The following DOCK1 variants were observed in gnomAD, a reference collection of about 807,000 sequenced individuals.
DOCK1 encodes the protein dedicator of cytokinesis protein 1.
Under a neutral mutation model 262.7 loss-of-function variants are expected in DOCK1, and 138 were observed. The ratio of observed to expected loss-of-function variants is 0.53; its 90% CI spans 0.46 to 0.61. DOCK1 has a LOEUF of 0.61. Among genes scored for constraint, DOCK1 ranks in the 20% least tolerant of loss-of-function variants. The pLI is 0.00. For missense variants in DOCK1, 1,908 were observed against 2,370.7 expected, an observed-to-expected ratio of 0.80 and a Z score of 4.05; for synonymous variants, 866 against 867.4, an observed-to-expected ratio of 1.00 and a Z score of 0.03.
chr10:127,445,465 C>G (rs554769937), intron 50 of DOCK1, among the ~76,000 whole-genome samples: 10 of 152,314 alleles, frequency 6.6e-5, no homozygotes, highest in Non-Finnish European at 1.0e-4. Flanking sequence ...TTTCTGGGCA[C>G]TGGATATGTC....
intron 1 of DOCK1, among the ~76,000 whole-genome samples, chr10:126,913,182 GATC>G (rs2032063380): frequency 6.6e-6 from 1 of 152,190 alleles, no homozygotes; most frequent in South Asian, 2.1e-4. Flanking sequence ...CTTTAAGTGT[GATC>G]ATTCTCCTGT....
intron 1 of DOCK1, among the ~76,000 whole-genome samples, chr10:126,953,006 G>A (rs931458193): frequency 6.6e-6 from 1 of 151,444 alleles, no homozygotes; most frequent in African/African-American, 2.4e-5. Flanking sequence ...TGTAGTGTTG[G>A]TGGTGGTAGT....
chr10:127,360,886 C>G (rs915602383), intron 32 of DOCK1, among the ~76,000 whole-genome samples: 6 of 152,150 alleles, frequency 3.9e-5, no homozygotes, highest in Non-Finnish European at 7.3e-5. Flanking sequence ...CTTTCCTCGT[C>G]TGTTTAACAG....
In DOCK1 at chr10:127,219,157, G is replaced by A. The variant is rs114059774; in HGVS notation, c.2848-28851G>A. 6.0e-3 allele frequency among the ~76,000 whole-genome samples: 910 copies of A among 152,270 alleles called. 16 individuals are homozygous for A. The highest frequency in any genetic ancestry group is 0.021 in the African/African-American group (867 of 41,550). Reference sequence around the variant, plus strand: ...GTGGGGACTGCAGATTAGTTCTGAAGTTTTCCTTTCAGGAGAAAGTAGAAT... The same window carrying A: ...GTGGGGACTGCAGATTAGTTCTGAAATTTTCCTTTCAGGAGAAAGTAGAAT... On this transcript the variant is annotated intron_variant, in intron 27 of 51. Transcript: ENST00000623213.
intron 21 of DOCK1, among the ~76,000 whole-genome samples, chr10:127,046,770 A>G (rs2044376618): frequency 6.6e-6 from 1 of 151,804 alleles, no homozygotes. Context: ...AAAAAAAAAA[A>G]AAAAAAAAAA....
chr10:127,281,595 A>T (rs1197976473), intron 29 of DOCK1, among the ~76,000 whole-genome samples: 1 of 152,136 alleles, frequency 6.6e-6, no homozygotes. Flanking sequence ...CTCACCACAT[A>T]TTAGAGATGA....
At chr10:127,314,150 C>T (rs1432464170) in intron 29 of DOCK1, among the ~76,000 whole-genome samples, 2 of 152,144 alleles carry the variant, frequency 1.3e-5, no homozygotes, top group Non-Finnish European at 2.9e-5. Flanking sequence ...CCTCCAAAGA[C>T]CTGGGGATCC....
In DOCK1 at chr10:127,145,475, C is replaced by T. The variant is rs1201482045; in HGVS notation, c.2847+17711C>T. On this transcript the variant is annotated intron_variant, in intron 27 of 51. Transcript: ENST00000623213. ...CCTCAGTGAAGAACAGCCAGTTTTC[C>T]AACTTTTGACAGAAACTGTGTTATA... Among the ~76,000 whole-genome samples, 3 of 152,152 alleles carry T rather than the reference C, an allele frequency of 2.0e-5. No individual in the cohort carries two copies. The East Asian group carries it at 5.8e-4, about 29-fold the overall frequency.
At chr10:127,039,633 A>G (rs535891636) in intron 19 of DOCK1, among the ~76,000 whole-genome samples, 46 of 152,220 alleles carry the variant, frequency 3.0e-4, no homozygotes, top group African/African-American at 1.1e-3. Context: ...CCGTGAGCCT[A>G]GAGAGTGGAA....
chr10:127,237,482 A>G (rs562822844), intron 27 of DOCK1, among the ~76,000 whole-genome samples: 4 of 152,234 alleles, frequency 2.6e-5, no homozygotes, highest in Admixed American at 2.6e-4. Flanking sequence ...CTTCCACTGT[A>G]TTTTGTTAAG....
intron 27 of DOCK1, among the ~76,000 whole-genome samples, chr10:127,214,287 G>T (rs2058108673): frequency 6.6e-6 from 1 of 152,078 alleles, no homozygotes; most frequent in African/African-American, 2.4e-5. Context: ...AGCTGTGCAC[G>T]TCTTCTTCTT....
At chr10:127,161,566 T>C (rs2133675429) in intron 27 of DOCK1, among the ~76,000 whole-genome samples, 1 of 152,298 alleles carries the variant, frequency 6.6e-6, no homozygotes, top group South Asian at 2.1e-4. Context: ...GGCAAGGCTG[T>C]TTGGAGTACT....
chr10:126,966,988 G>A (rs1020763300), intron 1 of DOCK1, among the ~76,000 whole-genome samples: 6 of 152,142 alleles, frequency 3.9e-5, no homozygotes, highest in Non-Finnish European at 5.9e-5. Flanking sequence ...AATGAAGATG[G>A]ACTCGACCAG....
At chr10:126,919,701 C>G (rs1591313789) in intron 1 of DOCK1, among the ~76,000 whole-genome samples, 1 of 152,206 alleles carries the variant, frequency 6.6e-6, no homozygotes, top group Non-Finnish European at 1.5e-5. Flanking sequence ...CCCCCGATCC[C>G]GCGTTGCTCT....
chr10:127,006,393 A>ACACAGCTGTACTGACTTCAGCT (rs1481660870), intron 10 of DOCK1, among the ~76,000 whole-genome samples: 3 of 151,980 alleles, frequency 2.0e-5, no homozygotes, highest in Non-Finnish European at 4.4e-5. Context: ...CCTCTCCCTC[A>ACACAGCTGTACTGACTTCAGCT]CACAGCTGTA....
intron 38 of DOCK1, among the ~76,000 whole-genome samples, chr10:127,398,194 A>C (rs1465642700): frequency 6.6e-6 from 1 of 152,196 alleles, no homozygotes; most frequent in African/African-American, 2.4e-5. Flanking sequence ...CTTTGCAAAA[A>C]GTCAATCCTG....
rs145374785 is a variant in DOCK1 at position 127,202,458 on chromosome 10, G to A, written c.2848-45550G>A. On this transcript the variant is annotated intron_variant, in intron 27 of 51. Coordinates refer to ENST00000623213, the MANE Select transcript of DOCK1 (RefSeq NM_001290223.2). ...GGCCTTCTGCCCCGGTGCACAGGAGGCTTTTCTTTAGGGAGCTGCTGCAGG... is the reference window on the plus strand; with the variant it reads ...GGCCTTCTGCCCCGGTGCACAGGAGACTTTTCTTTAGGGAGCTGCTGCAGG... Among the ~76,000 whole-genome samples the A allele has an allele frequency of 9.9e-3, 1,508 of 152,260 alleles. 18 individuals carry two copies. Among genetic ancestry groups the A allele is most frequent in the African/African-American group, 0.025 (1,030 of 41,550 alleles).
chr10:127,408,888 AC>A (rs200924570), intron 40 of DOCK1, 148 bp from the exon 41 acceptor site: 3 of 971,700 alleles, frequency 3.1e-6, no homozygotes, highest in South Asian at 1.8e-5. Flanking sequence ...CAACGCAAGT[AC>A]AAAAAAAAAT....
At chr10:127,014,002 G>A (rs1352318924) in intron 12 of DOCK1, among the ~76,000 whole-genome samples, 1 of 152,200 alleles carries the variant, frequency 6.6e-6, no homozygotes, top group Non-Finnish European at 1.5e-5. Flanking sequence ...GACTGTTAGC[G>A]GCCCCAGGAG....
Sources: allele counts gnomAD v4.1 joint callset (sites outside exome capture counted in the v4.1 genomes callset), GRCh38; gene constraint gnomAD v4.1.1; transcripts MANE v1.5; gene names NCBI Gene and HGNC (gene_info 2026-07-23, HGNC 2026-07-21).